CDC123: variants seen among roughly 807,000 people sequenced by gnomAD.
CDC123 encodes translation initiation factor eIF2 assembly protein.
In CDC123, 37 loss-of-function variants were observed where a neutral mutation model predicts 54.4. The ratio of observed to expected loss-of-function variants is 0.68; its 90% CI spans 0.52 to 0.89. The LOEUF is 0.89. Ranked by LOEUF, CDC123 falls within the 40% of genes least tolerant of loss-of-function variation. The pLI is 0.00. For synonymous variants in CDC123, 144 were observed against 136.8 expected (o/e 1.05, Z -0.37); for missense variants, 361 against 412.1 (o/e 0.88, Z 1.07).
At chr10:12,241,521 A>G (rs890394878) in intron 10 of CDC123, among the ~76,000 whole-genome samples, 1 of 152,152 alleles carries the variant, frequency 6.6e-6, no homozygotes, top group African/African-American at 2.4e-5. Flanking sequence ...TTTGTCTAGC[A>G]TCAATATATT....
Position 12,249,635 on chromosome 10 carries a change from T to A in CDC123, c.901T>A (p.Tyr301Asn). 1 of 1,614,092 alleles carries A rather than the reference T, an allele frequency of 6.2e-7. No individual in the cohort carries two copies. ...TGAAGTGACAGTCCAGCCCAGCCCCTATTTGAGTTACCGGCTACCCAAGGA... is the reference window on the plus strand; with the variant it reads ...TGAAGTGACAGTCCAGCCCAGCCCCAATTTGAGTTACCGGCTACCCAAGGA... Reference protein sequence around the residue: ...NSEVTVQPSPYLSYRLPKDFV... With the variant: ...NSEVTVQPSPNLSYRLPKDFV... The change falls in exon 12 of 13, where the codon TAT (tyrosine) becomes AAT (asparagine). Residue 301 changes from tyrosine to asparagine, a missense_variant. Transcript: ENST00000281141.
chr10:12,249,531 G>T, intron 11 of CDC123, 50 bp from the exon 12 acceptor site: 1 of 1,572,172 alleles, frequency 6.4e-7, no homozygotes, highest in Non-Finnish European at 8.7e-7. Context: ...CACAGAATAG[G>T]CCTAAAAATA....
At chr10:12,227,593 G>A (rs1424441055) in intron 6 of CDC123, among the ~76,000 whole-genome samples, 9 of 151,768 alleles carry the variant, frequency 5.9e-5, no homozygotes, top group Admixed American at 4.6e-4. Flanking sequence ...CAACTCCTGG[G>A]TTCAAGGGAT....
intron 11 of CDC123, chr10:12,246,513 C>G (rs1268079255): frequency 7.7e-6 from 3 of 389,704 alleles, no homozygotes; most frequent in Non-Finnish European, 1.4e-5. Context: ...TTTTTCTGAG[C>G]TTCTTCTGTC....
chr10:12,239,877 G>A (rs939400018), intron 10 of CDC123, among the ~76,000 whole-genome samples: 3 of 151,262 alleles, frequency 2.0e-5, no homozygotes, highest in African/African-American at 7.3e-5. Flanking sequence ...GTGTGTTGGC[G>A]GGCACTTGTA....
chr10:12,227,165 A>G (rs949398802), intron 6 of CDC123, among the ~76,000 whole-genome samples: 1 of 152,018 alleles, frequency 6.6e-6, no homozygotes, highest in African/African-American at 2.4e-5. Flanking sequence ...CTGAAGCAGG[A>G]GAATCAGGCA....
chr10:12,210,826 G>A (rs1258986256), intron 4 of CDC123, among the ~76,000 whole-genome samples: 2 of 152,082 alleles, frequency 1.3e-5, no homozygotes, highest in East Asian at 3.8e-4. Context: ...TCAGCCTCCT[G>A]AGTAGCTGGG....
chr10:12,226,055 T>C (rs1313546155), intron 6 of CDC123, among the ~76,000 whole-genome samples: 1 of 152,110 alleles, frequency 6.6e-6, no homozygotes, highest in East Asian at 1.9e-4. Flanking sequence ...ACAGCACATG[T>C]TTCAGAGAGC....
chr10:12,235,051 G>A lies in CDC123; in HGVS notation c.493G>A (p.Val165Ile), dbSNP rs201946780. The change falls in exon 8 of 13, where the codon GTT (valine) becomes ATT (isoleucine). Residue 165 changes from valine to isoleucine, a missense_variant. By Grantham distance (29) the Val-to-Ile change is conservative. Transcript: ENST00000281141. ...ATATTTTTTCTTTTGTTTACAGCTC[G>A]TTCTCCGAAAATGGTGTGAATTGAT... ...SPDPCIEYEL[V>I]LRKWCELIPG... The A allele has an allele frequency of 4.3e-6, 7 of 1,613,158 alleles. No homozygotes were observed. Among genetic ancestry groups the A allele is most frequent in the African/African-American group, 2.7e-5 (2 of 74,866 alleles).
chr10:12,249,734 A>G lies in CDC123; in HGVS notation c.984+16A>G, dbSNP rs754344136. On this transcript the variant is annotated intron_variant, in intron 12 of 12. Transcript: ENST00000281141. ...CCTTAAGCTGGTAAAGTCTATGTGC[A>G]TTTAGTATGCTGGCCATCTTTTCAA... The G allele has an allele frequency of 6.3e-7, 1 of 1,582,982 alleles. No homozygotes were observed. The highest frequency in any genetic ancestry group is 8.6e-7 in the Non-Finnish European group (1 of 1,167,438).
chr10:12,231,444 G>A (rs909205959), intron 7 of CDC123, among the ~76,000 whole-genome samples: 8 of 152,004 alleles, frequency 5.3e-5, no homozygotes, highest in African/African-American at 1.4e-4. Context: ...CCATCATGGC[G>A]AAACCCCGCA....
chr10:12,206,717 A>C (rs542791715), intron 2 of CDC123, among the ~76,000 whole-genome samples: 1 of 152,144 alleles, frequency 6.6e-6, no homozygotes, highest in Non-Finnish European at 1.5e-5. Context: ...CCAGTGCTTT[A>C]GGAGGCCAAG....
chr10:12,218,254 T>G (rs1484300875), intron 6 of CDC123, among the ~76,000 whole-genome samples: 1 of 147,224 alleles, frequency 6.8e-6, no homozygotes, highest in Admixed American at 6.7e-5. Context: ...TTTCTTTTTT[T>G]TTTTTTTTTT....
At chr10:12,223,244 G>A (rs1266071288) in intron 6 of CDC123, among the ~76,000 whole-genome samples, 4 of 151,688 alleles carry the variant, frequency 2.6e-5, no homozygotes, top group Non-Finnish European at 4.4e-5. Flanking sequence ...CGAGAGAAAC[G>A]GTGTGTTGAT....
chr10:12,246,025 A>C lies in CDC123; in HGVS notation c.718-124A>C, dbSNP rs987106335. ...GTCGAGGCTGCAGTGAGCCGTGATCACACCAGTGCACTGCAGCCTGGGCAA... is the reference window on the plus strand; with the variant it reads ...GTCGAGGCTGCAGTGAGCCGTGATCCCACCAGTGCACTGCAGCCTGGGCAA... On this transcript the variant is annotated intron_variant, in intron 10 of 12. Coordinates refer to ENST00000281141, the MANE Select transcript of CDC123 (RefSeq NM_006023.3). The C allele has an allele frequency of 8.9e-6, 9 of 1,007,932 alleles. No homozygotes were observed. In the Admixed American group the frequency reaches 1.8e-4, roughly 20 times the overall value. The allele number at this position is 1,007,932 out of a possible 1,614,324, so 62.4% of individuals were successfully genotyped here. A position where few individuals can be genotyped will look rare whatever the true frequency, so the allele number is the denominator to read the frequency against.
chr10:12,229,798 A>G (rs1325676296), intron 6 of CDC123, among the ~76,000 whole-genome samples: 6 of 152,226 alleles, frequency 3.9e-5, no homozygotes, highest in Non-Finnish European at 7.3e-5. Context: ...TCGAGGAGGA[A>G]GCAGTATACT....
rs1273916514 is a variant in CDC123 at position 12,245,804 on chromosome 10, C to CT, written c.718-343dup. The CT allele has an allele frequency of 2.2e-5, 4 of 182,480 alleles. No homozygotes were observed. The East Asian group carries it at 5.8e-4, about 26-fold the overall frequency. The allele number at this position is 182,480 out of a possible 1,614,324, so 11.3% of individuals were successfully genotyped here. A position where few individuals can be genotyped will look rare whatever the true frequency, so the allele number is the denominator to read the frequency against. On this transcript the variant is annotated intron_variant, in intron 10 of 12. Coordinates refer to ENST00000281141, the MANE Select transcript of CDC123 (RefSeq NM_006023.3). The stretch of plus-strand genomic sequence containing the variant: ...ATATCTTTCTGGCCGGGCGACGTGG[C>CT]TTATGTCTGTAATCCCAGCACTTTG...
intron 2 of CDC123, among the ~76,000 whole-genome samples, chr10:12,204,199 T>C (rs1362812912): frequency 6.6e-6 from 1 of 152,030 alleles, no homozygotes; most frequent in Non-Finnish European, 1.5e-5. Context: ...AGTAAGGTGA[T>C]ACTTGAACTG....
intron 6 of CDC123, among the ~76,000 whole-genome samples, chr10:12,224,028 C>T (rs1398344878): frequency 3.9e-5 from 6 of 152,050 alleles, no homozygotes; most frequent in Non-Finnish European, 7.4e-5. Flanking sequence ...CACCCTTTCC[C>T]CTGAGTCCCA....
Sources: allele counts gnomAD v4.1 joint callset (sites outside exome capture counted in the v4.1 genomes callset), GRCh38; gene constraint gnomAD v4.1.1; transcripts MANE v1.5; gene names NCBI Gene and HGNC (gene_info 2026-07-23, HGNC 2026-07-21).